Variants in TET1 observed in about 807,000 individuals in gnomAD.
TET1 encodes methylcytosine dioxygenase TET1.
In TET1, 13 loss-of-function variants were observed where a neutral mutation model predicts 148.7. The observed-to-expected ratio is 0.09, with a 90% CI of 0.06 to 0.14. The LOEUF (loss-of-function observed/expected upper bound fraction) is 0.14. Ranked by LOEUF, TET1 falls within the 10% of genes least tolerant of loss-of-function variation. TET1 has a pLI of 1.00. For synonymous variants in TET1, 907 were observed against 937.2 expected (o/e 0.97, Z 0.59); for missense variants, 2,182 against 2,553.8 (o/e 0.85, Z 3.14).
chr10:68,624,648 CTTTCTTTCTT>C (rs1223292559), intron 3 of TET1, among the ~76,000 whole-genome samples: 16 of 54,608 alleles, frequency 2.9e-4, no homozygotes, highest in African/African-American at 4.6e-4. Context: ...TTCTTTCTTT[CTTTCTTTCTT>C]TCTCTCTCTC....
intron 3 of TET1, among the ~76,000 whole-genome samples, chr10:68,629,393 A>T (rs2054535239): frequency 6.6e-6 from 1 of 152,044 alleles, no homozygotes; most frequent in Admixed American, 6.6e-5. Context: ...TTAAATAAAA[A>T]TGTAGCATCA....
At chr10:68,687,777 A>G (rs2055534943) in intron 11 of TET1, among the ~76,000 whole-genome samples, 1 of 152,036 alleles carries the variant, frequency 6.6e-6, no homozygotes, top group Non-Finnish European at 1.5e-5. Flanking sequence ...TTTTATAGAG[A>G]TAGGGTTTCA....
intron 1 of TET1, among the ~76,000 whole-genome samples, chr10:68,561,307 G>C (rs2053550550): frequency 6.6e-6 from 1 of 152,160 alleles, no homozygotes; most frequent in East Asian, 1.9e-4. Context: ...TTTGGCGCCT[G>C]TCTCCCCGAG....
At chr10:68,585,108 G>A (rs890155755) in intron 2 of TET1, among the ~76,000 whole-genome samples, 4 of 152,090 alleles carry the variant, frequency 2.6e-5, no homozygotes, top group African/African-American at 9.7e-5. Flanking sequence ...GGGTTCAATC[G>A]ATTCTCCTGC....
At chr10:68,684,765 A>AT (rs1198206218) in intron 10 of TET1, among the ~76,000 whole-genome samples, 2 of 151,184 alleles carry the variant, frequency 1.3e-5, no homozygotes, top group African/African-American at 2.4e-5. Context: ...TATTTTTTTT[A>AT]TTTTTTTTAT....
intron 3 of TET1, among the ~76,000 whole-genome samples, chr10:68,610,142 G>T (rs866752023): frequency 6.6e-5 from 10 of 152,154 alleles, no homozygotes; most frequent in African/African-American, 9.6e-5. Context: ...AATTAGCCAG[G>T]CGTGGTGGCG....
At chr10:68,679,223 T>G (rs1293092688) in intron 8 of TET1, among the ~76,000 whole-genome samples, 1 of 152,064 alleles carries the variant, frequency 6.6e-6, no homozygotes. Flanking sequence ...ATACCAACAG[T>G]GAACTGTACA....
intron 10 of TET1, among the ~76,000 whole-genome samples, chr10:68,684,679 T>A (rs533412986): frequency 1.7e-4 from 26 of 152,238 alleles, no homozygotes; most frequent in African/African-American, 6.0e-4. Flanking sequence ...TCACTCCAAA[T>A]TCCCCCATCT....
chr10:68,598,038 T>G (rs1415471191), intron 2 of TET1, among the ~76,000 whole-genome samples: 1 of 151,788 alleles, frequency 6.6e-6, no homozygotes, highest in African/African-American at 2.4e-5. Context: ...AATGGAGAGG[T>G]GATAGTTGCA....
In TET1 at chr10:68,681,030, G is replaced by A. The variant is rs185195611; in HGVS notation, c.4825-369G>A. Among the ~76,000 whole-genome samples, 352 of 152,272 alleles carry A rather than the reference G, an allele frequency of 2.3e-3. 1 individual carries two copies. Among genetic ancestry groups the A allele is most frequent in the African/African-American group, 8.3e-3 (343 of 41,572 alleles). The stretch of plus-strand genomic sequence containing the variant: ...TAGGAACCTGTTACATTGTAACCAA[G>A]TTACTTGCCATTTCCCCTTGCCAGC... On this transcript the variant is annotated intron_variant, in intron 8 of 11. Transcript: ENST00000373644.
At chr10:68,621,521 C>T (rs2054370899) in intron 3 of TET1, among the ~76,000 whole-genome samples, 1 of 152,106 alleles carries the variant, frequency 6.6e-6, no homozygotes, top group South Asian at 2.1e-4. Flanking sequence ...GAGGCGGTTA[C>T]AGTGAGCTGA....
At chr10:68,612,786 T>G (rs2054235773) in intron 3 of TET1, among the ~76,000 whole-genome samples, 1 of 151,920 alleles carries the variant, frequency 6.6e-6, no homozygotes, top group Non-Finnish European at 1.5e-5. Context: ...CCCAGCTAAT[T>G]TTTGTGTTTT....
At chr10:68,580,922 A>G (rs1369276448) in intron 2 of TET1, among the ~76,000 whole-genome samples, 1 of 151,592 alleles carries the variant, frequency 6.6e-6, no homozygotes, top group Non-Finnish European at 1.5e-5. Context: ...GTGAGCTGTG[A>G]TCTCTCCACC....
rs1243276432 is a variant in TET1 at position 68,647,646 on chromosome 10, G to A, written c.4276+641G>A. Among the ~76,000 whole-genome samples the A allele has an allele frequency of 1.2e-4, 18 of 151,944 alleles. 1 individual carries two copies. Among genetic ancestry groups the A allele is most frequent in the Admixed American group, 1.2e-3 (18 of 15,214 alleles). Reference sequence around the variant, plus strand: ...AGAAATAACTTAATAGTTTATTACAGTTTGTTTATTCTTCCTATATTCAAA... The same window carrying A: ...AGAAATAACTTAATAGTTTATTACAATTTGTTTATTCTTCCTATATTCAAA... On this transcript the variant is annotated intron_variant, in intron 4 of 11. Transcript: ENST00000373644.
chr10:68,683,272 AAATTT>A (rs2133225825), intron 10 of TET1, among the ~76,000 whole-genome samples: 1 of 146,122 alleles, frequency 6.8e-6, no homozygotes, highest in East Asian at 1.9e-4. Context: ...ACTTTTTTTT[AAATTT>A]ATTTATTTAT....
chr10:68,627,401 C>A (rs144699789), intron 3 of TET1, among the ~76,000 whole-genome samples: 59 of 136,964 alleles, frequency 4.3e-4, no homozygotes, highest in African/African-American at 1.5e-3. Flanking sequence ...CAGCAAGATT[C>A]TGTCTCCGAA....
At chr10:68,571,933 A>G (rs1021488907) in intron 1 of TET1, among the ~76,000 whole-genome samples, 4 of 152,142 alleles carry the variant, frequency 2.6e-5, no homozygotes, top group Non-Finnish European at 5.9e-5. Context: ...CCAGGGCAAC[A>G]TGGCGAAAAC....
chr10:68,629,083 T>C (rs1169821302), intron 3 of TET1, among the ~76,000 whole-genome samples: 1 of 152,180 alleles, frequency 6.6e-6, no homozygotes, highest in Non-Finnish European at 1.5e-5. Flanking sequence ...TTAGCATGTA[T>C]GCCGGGCGCG....
At chr10:68,608,018 TC>T (rs1211440086) in intron 3 of TET1, among the ~76,000 whole-genome samples, 1 of 150,760 alleles carries the variant, frequency 6.6e-6, no homozygotes, top group African/African-American at 2.4e-5. Context: ...AGCCTCCATC[TC>T]CCGGGTTCAA....
Sources: gnomAD v4.1 joint callset for allele counts (sites outside exome capture counted in the v4.1 genomes callset) on GRCh38, gnomAD v4.1.1 for gene constraint, MANE v1.5 for transcripts, NCBI Gene and HGNC (gene_info 2026-07-23, HGNC 2026-07-21) for gene names.